Variants in RPS5 observed in about 807,000 individuals in gnomAD.
RPS5 encodes the protein small ribosomal subunit protein uS7.
RPS5 carries 2 observed loss-of-function variants against 20.9 expected under a neutral mutation model. The ratio of observed to expected loss-of-function variants is 0.10; its 90% CI spans 0.04 to 0.30. The LOEUF (loss-of-function observed/expected upper bound fraction) is 0.30, where lower values mean the gene tolerates loss of function less well. RPS5 is among the 10% of genes least tolerant of loss of function. The probability of loss-of-function intolerance (pLI) is 1.00; values close to 1 mark genes in which losing one functional copy is unlikely to be tolerated. For synonymous variants in RPS5, 112 were observed against 105.8 expected (o/e 1.06, Z -0.36); for missense variants, 122 against 287.2 (o/e 0.42, Z 4.16).
chr19:58,390,576 C>T (rs775445050), intron 2 of RPS5, among the ~76,000 whole-genome samples: 4 of 152,080 alleles, frequency 2.6e-5, no homozygotes, highest in Non-Finnish European at 5.9e-5. Flanking sequence ...GCTGGAACTA[C>T]AGGTGCATGC....
chr19:58,388,080 C>A, intron 1 of RPS5, 57 bp from the exon 2 acceptor site: 1 of 1,262,838 alleles, frequency 7.9e-7, no homozygotes, highest in Non-Finnish European at 1.1e-6. Context: ...ATGAGTGCGC[C>A]TTTGCTCCAT....
In RPS5 at chr19:58,388,262, G is replaced by A. The variant is rs1215993622; in HGVS notation, c.108+17G>A. On this transcript the variant is annotated intron_variant, in intron 2 of 5. Coordinates refer to ENST00000196551, the MANE Select transcript of RPS5 (RefSeq NM_001009.4). ...TCCCTGCAGGTGAGGGGAACTTGGT[G>A]ATTGGCCTTCCTGGCTGGGGGCGGA... The A allele has an allele frequency of 2.6e-6, 4 of 1,560,574 alleles. No individual in the cohort carries two copies. The highest frequency in any genetic ancestry group is 1.7e-4 in the Middle Eastern group (1 of 5,950).
chr19:58,387,836 C>T (rs2052336356), intron 1 of RPS5: 6 of 400,848 alleles, frequency 1.5e-5, no homozygotes, highest in South Asian at 1.3e-4. Flanking sequence ...AATTACAGCC[C>T]ATGCAGTGTG....
chr19:58,393,343 T>G lies in RPS5; in HGVS notation c.319-16T>G. ...CATGGGGCTGGATGTCAGGCTCATATCCCCCTTCTCTCTAGAACCCTCTGC... is the reference window on the plus strand; with the variant it reads ...CATGGGGCTGGATGTCAGGCTCATAGCCCCCTTCTCTCTAGAACCCTCTGC... On this transcript the variant is annotated splice_polypyrimidine_tract_variant and intron_variant, in intron 3 of 5. Transcript: ENST00000196551. 6.2e-7 allele frequency: 1 copy of G among 1,612,902 alleles called. No homozygotes were observed.
At chr19:58,391,251 G>A (rs1338616404) in intron 2 of RPS5, among the ~76,000 whole-genome samples, 2 of 150,610 alleles carry the variant, frequency 1.3e-5, no homozygotes, top group Non-Finnish European at 3.0e-5. Flanking sequence ...GGCCAACATG[G>A]TGAAGCCCCG....
intron 2 of RPS5, 88 bp from the exon 3 acceptor site, chr19:58,392,888 G>A: frequency 3.2e-6 from 4 of 1,247,154 alleles, no homozygotes; most frequent in Non-Finnish European, 3.4e-6. Context: ...TACCCCGAAT[G>A]GGTACTTGAT....
intron 4 of RPS5, 176 bp from the exon 5 acceptor site, chr19:58,394,321 C>G: frequency 1.3e-5 from 8 of 603,500 alleles, no homozygotes; most frequent in Middle Eastern, 4.5e-4. Context: ...GTGTGTGTGT[C>G]TGGACACTTG....
In RPS5 at chr19:58,388,448, C is replaced by G. The variant is rs900701218; in HGVS notation, c.108+203C>G. The G allele has an allele frequency of 1.4e-5, 8 of 577,266 alleles. No homozygotes were observed. The African/African-American group carries it at 1.5e-4, about 11-fold the overall frequency. The allele number at this position is 577,266 out of a possible 1,614,324, so 35.8% of individuals were successfully genotyped here. The stretch of plus-strand genomic sequence containing the variant: ...TACAACTTCTGTCATGAGAGGACTC[C>G]TTCACCAGAAGGAGCATCACATCTC... On this transcript the variant is annotated intron_variant, in intron 2 of 5. Transcript: ENST00000196551.
chr19:58,391,649 G>T (rs1340656728), intron 2 of RPS5, among the ~76,000 whole-genome samples: 1 of 151,722 alleles, frequency 6.6e-6, no homozygotes, highest in Admixed American at 6.6e-5. Context: ...TTCTCAGCCA[G>T]GTGCAGTGGC....
chr19:58,388,451 C>T (rs1408119213), intron 2 of RPS5: 4 of 576,600 alleles, frequency 6.9e-6, no homozygotes, highest in Non-Finnish European at 1.2e-5. Flanking sequence ...AGGACTCCTT[C>T]ACCAGAAGGA....
intron 2 of RPS5, among the ~76,000 whole-genome samples, chr19:58,391,831 CAGG>C (rs1352863012): frequency 6.6e-6 from 1 of 152,120 alleles, no homozygotes. Context: ...GAAGCTGAGG[CAGG>C]AGAATTGCTT....
chr19:58,390,188 G>A (rs1367221760), intron 2 of RPS5, among the ~76,000 whole-genome samples: 5 of 150,470 alleles, frequency 3.3e-5, no homozygotes, highest in South Asian at 2.1e-4. Context: ...GAGCCACCAC[G>A]CCTGGCGTTA....
chr19:58,390,095 A>G (rs1048784364), intron 2 of RPS5, among the ~76,000 whole-genome samples: 1 of 152,052 alleles, frequency 6.6e-6, no homozygotes, highest in African/African-American at 2.4e-5. Context: ...GGGTTTCATC[A>G]TATTGGTCAG....
At chr19:58,387,689 T>C (rs893179) in intron 1 of RPS5, 82,971 of 171,276 alleles carry the variant, frequency 0.48, 21,357 homozygotes, top group African/African-American at 0.67. Flanking sequence ...ATCGAAACCT[T>C]TGGGTTGATT....
At chr19:58,394,361 C>G in intron 4 of RPS5, 136 bp from the exon 5 acceptor site, 1 of 679,008 alleles carries the variant, frequency 1.5e-6, no homozygotes, top group Non-Finnish European at 2.6e-6. Flanking sequence ...GATTGCAAAT[C>G]AGGCATGATG....
At chr19:58,390,203 T>G (rs1363071041) in intron 2 of RPS5, among the ~76,000 whole-genome samples, 2 of 150,090 alleles carry the variant, frequency 1.3e-5, no homozygotes, top group Non-Finnish European at 3.0e-5. Context: ...GCGTTATTTA[T>G]TTATTTGTGA....
chr19:58,392,696 C>T (rs1001243338), intron 2 of RPS5, among the ~76,000 whole-genome samples: 3 of 151,618 alleles, frequency 2.0e-5, no homozygotes, highest in Non-Finnish European at 2.9e-5. Flanking sequence ...AGGACAGCCC[C>T]CCAGACAATT....
Sources: allele counts gnomAD v4.1 joint callset (sites outside exome capture counted in the v4.1 genomes callset), GRCh38; gene constraint gnomAD v4.1.1; transcripts MANE v1.5; gene names NCBI Gene and HGNC (gene_info 2026-07-23, HGNC 2026-07-21).